Variants in MARCHF1 observed in about 807,000 individuals in gnomAD.
MARCHF1 encodes the protein membrane associated ring-CH-type finger 1.
A neutral mutation model predicts 54.2 loss-of-function variants in MARCHF1; 40 were observed. The observed-to-expected ratio is 0.74, with a 90% CI of 0.57 to 0.96. The LOEUF is 0.96. MARCHF1 is among the 40% of genes least tolerant of loss of function. MARCHF1 has a pLI of 0.00. For missense variants in MARCHF1, 586 were observed against 656.5 expected, an observed-to-expected ratio of 0.89 and a Z score of 1.17; for synonymous variants, 236 against 236.3, an observed-to-expected ratio of 1.00 and a Z score of 0.01.
intron 1 of MARCHF1, among the ~76,000 whole-genome samples, chr4:164,230,430 A>G (rs1460170405): frequency 6.6e-6 from 1 of 151,878 alleles, no homozygotes; most frequent in Admixed American, 6.6e-5. Context: ...AGTTATATAT[A>G]TTTGAGGGGA....
At chr4:163,941,005 G>A (rs550496454) in intron 3 of MARCHF1, among the ~76,000 whole-genome samples, 4 of 152,180 alleles carry the variant, frequency 2.6e-5, no homozygotes, top group Non-Finnish European at 5.9e-5. Context: ...GTACAATATT[G>A]TCTTCCTCGG....
rs561259008 is a variant in MARCHF1 at position 163,956,333 on chromosome 4, T to A, written c.-39+32168A>T. Among the ~76,000 whole-genome samples the A allele has an allele frequency of 4.6e-5, 7 of 152,284 alleles. No homozygotes were observed. In the South Asian group the frequency reaches 1.4e-3, roughly 32 times the overall value. On this transcript the variant is annotated intron_variant, in intron 3 of 9. Transcript: ENST00000514618. ...TAAGTGTTCAAAAATACTTCTTGAA[T>A]GAACGACTGCTACATGAATAATAGG...
chr4:164,003,689 G>A (rs1300235492), intron 2 of MARCHF1, among the ~76,000 whole-genome samples: 1 of 152,112 alleles, frequency 6.6e-6, no homozygotes, highest in Non-Finnish European at 1.5e-5. Context: ...CTGCTAGTAG[G>A]AATGTAAATT....
At chr4:163,689,533 T>G (rs1201900962) in intron 5 of MARCHF1, among the ~76,000 whole-genome samples, 2 of 152,228 alleles carry the variant, frequency 1.3e-5, no homozygotes, top group African/African-American at 4.8e-5. Context: ...TTTTAAAATT[T>G]TATATAATTG....
intron 4 of MARCHF1, among the ~76,000 whole-genome samples, chr4:163,832,311 G>A (rs1874093): frequency 0.78 from 118,463 of 151,786 alleles, 47,499 homozygotes; most frequent in South Asian, 0.91. Context: ...TTGCAATGCT[G>A]GCCTTTTCTC....
chr4:164,315,625 A>T (rs1386682667), intron 1 of MARCHF1, among the ~76,000 whole-genome samples: 1 of 152,174 alleles, frequency 6.6e-6, no homozygotes, highest in African/African-American at 2.4e-5. Flanking sequence ...AACTTACTTT[A>T]GCTGCCCCAG....
chr4:164,287,132 A>G (rs1734170980), intron 1 of MARCHF1, among the ~76,000 whole-genome samples: 2 of 148,568 alleles, frequency 1.3e-5, no homozygotes, highest in African/African-American at 4.9e-5. Flanking sequence ...ACATTTATAT[A>G]TAACTATAGA....
intron 1 of MARCHF1, among the ~76,000 whole-genome samples, chr4:164,317,663 C>A: frequency 6.6e-6 from 1 of 152,134 alleles, no homozygotes; most frequent in East Asian, 1.9e-4. Flanking sequence ...CACTCTTACT[C>A]AAGAAAACGG....
chr4:164,298,390 A>G (rs951634693), intron 1 of MARCHF1, among the ~76,000 whole-genome samples: 13 of 151,928 alleles, frequency 8.6e-5, no homozygotes, highest in Non-Finnish European at 2.9e-5. Context: ...AAAAAAACCT[A>G]TGGTCTGAAA....
intron 7 of MARCHF1, among the ~76,000 whole-genome samples, chr4:163,599,216 G>A (rs1051728042): frequency 3.3e-5 from 5 of 151,986 alleles, no homozygotes; most frequent in African/African-American, 1.2e-4. Context: ...CTTGAACCCA[G>A]GAGGTGGAGG....
chr4:163,914,592 T>C (rs1751265283), intron 3 of MARCHF1, among the ~76,000 whole-genome samples: 1 of 152,144 alleles, frequency 6.6e-6, no homozygotes, highest in Non-Finnish European at 1.5e-5. Context: ...GATGGCTAGT[T>C]TTTTGAGTAC....
intron 1 of MARCHF1, among the ~76,000 whole-genome samples, chr4:164,158,750 T>A (rs1730151899): frequency 6.6e-6 from 1 of 152,210 alleles, no homozygotes; most frequent in Non-Finnish European, 1.5e-5. Context: ...GACTGACCTA[T>A]GTGTTGCCAT....
chr4:164,182,737 A>G (rs375427196), intron 1 of MARCHF1, among the ~76,000 whole-genome samples: 20 of 152,034 alleles, frequency 1.3e-4, no homozygotes, highest in African/African-American at 4.6e-4. Context: ...CTACACAGTG[A>G]TGCTCAATAT....
rs60222947 is a variant in MARCHF1, at chr4:164,234,357, T to C, written c.-322-122695A>G. 5.7e-3 allele frequency among the ~76,000 whole-genome samples: 862 copies of C among 152,290 alleles called. 10 individuals carry two copies. The highest frequency in any genetic ancestry group is 0.02 in the African/African-American group (832 of 41,576). The stretch of plus-strand genomic sequence containing the variant: ...TCATGGCTGGAAAGATATAATGCAA[T>C]GCCTACTTATCTACGATTTATTTTG... On this transcript the variant is annotated intron_variant, in intron 1 of 9. Coordinates refer to ENST00000514618, the MANE Select transcript of MARCHF1 (RefSeq NM_001394959.1).
chr4:163,831,177 A>G lies in MARCHF1; in HGVS notation c.111+22844T>C, dbSNP rs201288196. ...TTTCTGTTTTCTGCACTGAACCCTT[A>G]GTGACAAAGGGAGTGGGGGCTAGAT... On this transcript the variant is annotated intron_variant, in intron 4 of 9. Coordinates refer to ENST00000514618, the MANE Select transcript of MARCHF1 (RefSeq NM_001394959.1). 2.0e-3 allele frequency among the ~76,000 whole-genome samples: 306 copies of G among 152,248 alleles called. 13 individuals carry two copies. The East Asian group carries it at 0.056, about 28-fold the overall frequency.
intron 5 of MARCHF1, among the ~76,000 whole-genome samples, chr4:163,640,972 A>G (rs753942088): frequency 3.7e-4 from 57 of 152,230 alleles, no homozygotes; most frequent in Non-Finnish European, 6.5e-4. Flanking sequence ...AAAAGACTTC[A>G]TAATATTAGT....
intron 3 of MARCHF1, among the ~76,000 whole-genome samples, chr4:163,929,437 A>G (rs549717635): frequency 6.6e-6 from 1 of 152,140 alleles, no homozygotes; most frequent in African/African-American, 2.4e-5. Context: ...ATTATCATAT[A>G]TATTTATCCT....
At chr4:164,024,125 G>A (rs1384532867) in intron 2 of MARCHF1, among the ~76,000 whole-genome samples, 1 of 152,140 alleles carries the variant, frequency 6.6e-6, no homozygotes, top group East Asian at 1.9e-4. Flanking sequence ...GCATTCTTAA[G>A]AGGGAAGGAG....
At chr4:163,552,837 TC>T (rs1394112793) in intron 8 of MARCHF1, among the ~76,000 whole-genome samples, 1 of 151,966 alleles carries the variant, frequency 6.6e-6, no homozygotes, top group African/African-American at 2.4e-5. Flanking sequence ...ATTGAGACCA[TC>T]CTGGCCAACG....
Sources: allele counts gnomAD v4.1 joint callset (sites outside exome capture counted in the v4.1 genomes callset), GRCh38; gene constraint gnomAD v4.1.1; transcripts MANE v1.5; gene names NCBI Gene and HGNC (gene_info 2026-07-23, HGNC 2026-07-21).